Variants in MDM4 observed in about 807,000 individuals in gnomAD.
The protein encoded by MDM4 is MDM4 regulator of p53.
MDM4 carries 2 observed loss-of-function variants against 60.2 expected under a neutral mutation model. That is an observed-to-expected ratio of 0.03 (90% CI 0.01 to 0.10). The LOEUF (loss-of-function observed/expected upper bound fraction) is 0.10, where lower values mean the gene tolerates loss of function less well. MDM4 is among the 10% of genes least tolerant of loss of function. MDM4 has a pLI of 1.00. For missense variants in MDM4, 447 were observed against 577.5 expected (o/e 0.77, Z 2.32); for synonymous variants, 202 against 198.1 (o/e 1.02, Z -0.17).
chr1:204,530,661 A>G (rs1660770793), intron 3 of MDM4, 23 bp from the exon 4 acceptor site: 1 of 1,613,968 alleles, frequency 6.2e-7, no homozygotes, highest in African/African-American at 1.3e-5. Context: ...ACAGATCACA[A>G]CATGGTATTT....
rs747328197 is a variant in MDM4 at position 204,552,801 on chromosome 1, A to G, written c.*3119A>G. ...TCTGTTAGCACTAAGTACTTAGACGATCCTAAGATATGTGCTTGAGCCGAA... is the reference window on the plus strand; with the variant it reads ...TCTGTTAGCACTAAGTACTTAGACGGTCCTAAGATATGTGCTTGAGCCGAA... On this transcript the variant is annotated 3_prime_UTR_variant, in exon 11 of 11. Transcript: ENST00000367182. 2.2e-5 allele frequency: 4 copies of G among 181,720 alleles called. No individual in the cohort carries two copies. Among genetic ancestry groups the G allele is most frequent in the Non-Finnish European group, 4.7e-5 (4 of 85,546 alleles). 11.3% of individuals were successfully genotyped at this position (181,720 alleles called of 1,614,324 possible). A position where few individuals can be genotyped will look rare whatever the true frequency, so the allele number is the denominator to read the frequency against.
At chr1:204,519,095 C>T (rs560278994) in intron 1 of MDM4, among the ~76,000 whole-genome samples, 1 of 152,288 alleles carries the variant, frequency 6.6e-6, no homozygotes, top group South Asian at 2.1e-4. Context: ...GTTTGAGAAA[C>T]TAAAAGATCA....
At chr1:204,547,944 A>C (rs1426410022) in intron 10 of MDM4, among the ~76,000 whole-genome samples, 1 of 152,070 alleles carries the variant, frequency 6.6e-6, no homozygotes, top group Non-Finnish European at 1.5e-5. Context: ...CTGGTCTTGA[A>C]CTTCTGATCT....
At chr1:204,523,777 A>G (rs1281862089) in intron 1 of MDM4, among the ~76,000 whole-genome samples, 3 of 152,116 alleles carry the variant, frequency 2.0e-5, no homozygotes, top group Admixed American at 6.5e-5. Flanking sequence ...AGGCAATTTT[A>G]CTTCTATGGA....
chr1:204,530,114 A>G (rs1660716972), intron 3 of MDM4, among the ~76,000 whole-genome samples: 1 of 152,132 alleles, frequency 6.6e-6, no homozygotes, highest in Non-Finnish European at 1.5e-5. Flanking sequence ...GGGTTCAAGC[A>G]ATTTGCCTGC....
At chr1:204,516,847 G>C (rs1203826280) in intron 1 of MDM4, among the ~76,000 whole-genome samples, 1 of 152,224 alleles carries the variant, frequency 6.6e-6, no homozygotes, top group African/African-American at 2.4e-5. Flanking sequence ...GTGGGAGAGA[G>C]GGAACCGGGT....
chr1:204,528,997 CAG>C lies in MDM4; in HGVS notation c.154-1684_154-1683del, dbSNP rs1240137320. On this transcript the variant is annotated intron_variant, in intron 3 of 10. Coordinates refer to ENST00000367182, the MANE Select transcript of MDM4 (RefSeq NM_002393.5). The stretch of plus-strand genomic sequence containing the variant: ...CAATCAAGCTGTCTGGCAGGATTGA[CAG>C]AGCGTGGGCAGTAGCTGGAGACCAG... 34 of 1,531,608 alleles carry C rather than the reference CAG, an allele frequency of 2.2e-5. No homozygotes were observed. In the East Asian group the frequency reaches 2.9e-4, roughly 13 times the overall value. The allele number at this position is 1,531,608 out of a possible 1,614,324, so 94.9% of individuals were successfully genotyped here. A position where few individuals can be genotyped will look rare whatever the true frequency, so the allele number is the denominator to read the frequency against.
chr1:204,545,834 C>T (rs551311537), intron 9 of MDM4, among the ~76,000 whole-genome samples: 1 of 152,010 alleles, frequency 6.6e-6, no homozygotes, highest in Admixed American at 6.6e-5. Context: ...GCCTAGGAAA[C>T]GTCTATAGAG....
rs145207570 is a variant in MDM4, at chr1:204,549,457, C to T, written c.1248C>T (p.Asn416=). The T allele has an allele frequency of 1.9e-6, 3 of 1,610,992 alleles. No individual in the cohort carries two copies. Among genetic ancestry groups the T allele is most frequent in the African/African-American group, 1.3e-5 (1 of 74,584 alleles). ...CAAGCATGGGAGAACAGTTAGATAA[C>T]CTTTCTGAACAGAGAACAGATACAG... is the stretch of plus-strand genomic sequence containing the variant. The part of the protein sequence containing the change: ...TISSMGEQLD[N]LSEQRTDTEN... Residue 416 remains asparagine (N), a synonymous_variant, in exon 11 of 11, where the codon AAC becomes AAT. Transcript: ENST00000367182.
At chr1:204,522,502 A>G (rs1659666777) in intron 1 of MDM4, among the ~76,000 whole-genome samples, 1 of 151,016 alleles carries the variant, frequency 6.6e-6, no homozygotes, top group African/African-American at 2.4e-5. Flanking sequence ...AGTTCAGGCG[A>G]TTCTCCTGTC....
At chr1:204,534,056 G>C (rs1254237085) in intron 5 of MDM4, among the ~76,000 whole-genome samples, 1 of 152,050 alleles carries the variant, frequency 6.6e-6, no homozygotes, top group Non-Finnish European at 1.5e-5. Flanking sequence ...GAGGTGTTGG[G>C]ATTACAGGCA....
chr1:204,548,385 G>A (rs1394591631), intron 10 of MDM4, among the ~76,000 whole-genome samples: 3 of 152,188 alleles, frequency 2.0e-5, no homozygotes, highest in African/African-American at 7.2e-5. Flanking sequence ...TGACCTAAAA[G>A]TAATCAAGTT....
chr1:204,546,970 C>A, intron 10 of MDM4, 93 bp downstream of exon 10: 1 of 709,000 alleles, frequency 1.4e-6, no homozygotes. Flanking sequence ...TGCTGTTTAC[C>A]CCTCATTTCT....
At chr1:204,524,271 T>G (rs534199859) in intron 1 of MDM4, among the ~76,000 whole-genome samples, 1 of 152,258 alleles carries the variant, frequency 6.6e-6, no homozygotes, top group African/African-American at 2.4e-5. Flanking sequence ...GAAGAGGAAT[T>G]TATTAAATCC....
chr1:204,556,626 G>A lies in MDM4; in HGVS notation c.*6944G>A, dbSNP rs948638571. On this transcript the variant is annotated 3_prime_UTR_variant, in exon 11 of 11. Transcript: ENST00000367182. ...TGGGAGGATCGCTTGAGCCTGGGAG[G>A]TGGAGGTTGCAGTGAGCTGAGATGG... is the stretch of plus-strand genomic sequence containing the variant. 1.5e-5 allele frequency: 3 copies of A among 202,932 alleles called. No homozygotes were observed. The highest frequency in any genetic ancestry group is 2.0e-5 in the Non-Finnish European group (2 of 98,932). The allele number at this position is 202,932 out of a possible 1,614,324, so 12.6% of individuals were successfully genotyped here.
intron 5 of MDM4, among the ~76,000 whole-genome samples, chr1:204,533,309 T>C (rs1458134705): frequency 1.3e-5 from 2 of 152,226 alleles, no homozygotes; most frequent in Non-Finnish European, 1.5e-5. Context: ...TAAAGCCCTT[T>C]TGTGAGCTTC....
At chr1:204,545,469 G>T (rs958080403) in intron 9 of MDM4, among the ~76,000 whole-genome samples, 4 of 152,142 alleles carry the variant, frequency 2.6e-5, no homozygotes, top group African/African-American at 9.7e-5. Context: ...CCAGCATGTA[G>T]AAGAGTGTTG....
rs745325502 is a variant in MDM4, at chr1:204,525,569, C to T, written c.51C>T (p.Cys17=). 6.2e-7 allele frequency: 1 copy of T among 1,609,314 alleles called. No individual in the cohort carries two copies. Among genetic ancestry groups the T allele is most frequent in the East Asian group, 2.2e-5 (1 of 44,836 alleles). Residue 17 remains cysteine, a synonymous_variant, in exon 2 of 11, where the codon TGC becomes TGT. Coordinates refer to ENST00000367182, the MANE Select transcript of MDM4 (RefSeq NM_002393.5). ...SAQCSTSDSA[C]RISPGQINQV... is the part of the protein sequence containing the mutation. ...AGTGTTCAACATCTGACAGTGCTTG[C>T]AGGATCTCTCCTGGACAAATCAATC...
Position 204,551,675 on chromosome 1 carries a change from T to A in MDM4, c.*1993T>A. On this transcript the variant is annotated 3_prime_UTR_variant, in exon 11 of 11. Coordinates refer to ENST00000367182, the MANE Select transcript of MDM4 (RefSeq NM_002393.5). Reference sequence around the variant, plus strand: ...GAAAATGTTGGTGTGTTCTCAAGGGTATGCATGTGTCATTTTGAAGACCAA... The same window carrying A: ...GAAAATGTTGGTGTGTTCTCAAGGGAATGCATGTGTCATTTTGAAGACCAA... 1 of 230,996 alleles carries A rather than the reference T, an allele frequency of 4.3e-6. No homozygotes were observed. 14.3% of individuals were successfully genotyped at this position (230,996 alleles called of 1,614,324 possible).
Sources: allele counts gnomAD v4.1 joint callset (sites outside exome capture counted in the v4.1 genomes callset), GRCh38; gene constraint gnomAD v4.1.1; transcripts MANE v1.5; gene names NCBI Gene and HGNC (gene_info 2026-07-23, HGNC 2026-07-21).